Variants in RORA observed in about 807,000 individuals in gnomAD.
RORA encodes nuclear receptor ROR-alpha.
In RORA, 7 loss-of-function variants were observed where a neutral mutation model predicts 69.5. The observed-to-expected ratio is 0.10, with a 90% CI of 0.06 to 0.19. RORA has a LOEUF of 0.19. RORA is among the 10% of genes least tolerant of loss of function. The probability of loss-of-function intolerance (pLI) is 1.00; values close to 1 mark genes in which losing one functional copy is unlikely to be tolerated. For synonymous variants in RORA, 261 were observed against 240.8 expected (o/e 1.08, Z -0.78); for missense variants, 457 against 663.0 (o/e 0.69, Z 3.41).
At position 60,497,583 on chromosome 15, in the gene RORA, C is replaced by A. The variant is rs1296478815; in HGVS notation, c.1444G>T (p.Gly482Ter). 6.2e-7 allele frequency: 1 copy of A among 1,612,180 alleles called. No individual in the cohort carries two copies. The highest frequency in any genetic ancestry group is 1.3e-5 in the African/African-American group (1 of 74,834). ...GCCATTAGCTTTTCTGTATGTCGTC[C>A]ACATAAGGCTCTTAAGGTAGACACC... The part of the protein sequence containing the change: ...CKVSTLRALC[G>*]RHTEKLMAFK... Residue 482 changes from glycine to a stop codon, truncating the protein, a stop_gained, in exon 11 of 11, where the codon GGA (glycine) becomes TGA (stop). Transcript: ENST00000335670. LOFTEE classifies it high-confidence loss of function.
intron 2 of RORA, among the ~76,000 whole-genome samples, chr15:60,598,759 G>A (rs571322576): frequency 6.6e-6 from 1 of 152,282 alleles, no homozygotes; most frequent in Non-Finnish European, 1.5e-5. Context: ...ACATTGTTCA[G>A]GGATCAACTG....
intron 1 of RORA, among the ~76,000 whole-genome samples, chr15:60,795,364 T>C (rs922842680): frequency 6.6e-6 from 1 of 152,200 alleles, no homozygotes; most frequent in African/African-American, 2.4e-5. Context: ...CAACTCAAAA[T>C]GGGCTGCTTG....
intron 2 of RORA, among the ~76,000 whole-genome samples, chr15:60,666,474 C>A (rs577615623): frequency 2.9e-4 from 44 of 151,568 alleles, no homozygotes; most frequent in Non-Finnish European, 6.0e-4. Context: ...CATGAGCCAC[C>A]ACACCCGGCC....
chr15:60,506,616 G>T (rs1463024969), intron 5 of RORA, among the ~76,000 whole-genome samples: 1 of 152,194 alleles, frequency 6.6e-6, no homozygotes. Context: ...ACTTTGGGAG[G>T]CTGAGCTGGG....
intron 1 of RORA, among the ~76,000 whole-genome samples, chr15:60,796,015 T>C (rs1418224218): frequency 6.6e-6 from 1 of 152,216 alleles, no homozygotes; most frequent in African/African-American, 2.4e-5. Context: ...CCATCATCAT[T>C]ATAACATTTT....
chr15:61,130,636 G>A (rs567713210), intron 1 of RORA, among the ~76,000 whole-genome samples: 25 of 152,282 alleles, frequency 1.6e-4, no homozygotes, highest in Non-Finnish European at 3.4e-4. Context: ...ATGGAGATAA[G>A]TATATCTAGA....
chr15:61,095,076 A>G (rs775188952), intron 1 of RORA, among the ~76,000 whole-genome samples: 2 of 152,226 alleles, frequency 1.3e-5, no homozygotes, highest in Non-Finnish European at 2.9e-5. Flanking sequence ...GAATCAGAGA[A>G]TTCAGGGCAT....
intron 1 of RORA, among the ~76,000 whole-genome samples, chr15:61,167,297 C>G (rs1156502095): frequency 2.6e-5 from 4 of 152,014 alleles, no homozygotes; most frequent in African/African-American, 9.7e-5. Context: ...CAGATGGATC[C>G]TGATATTCAT....
rs761189331 is a variant in RORA, at chr15:61,131,965, G to A, written c.166+97088C>T. Among the ~76,000 whole-genome samples, 22 of 152,218 alleles carry A rather than the reference G, an allele frequency of 1.4e-4. No homozygotes were observed. The highest frequency in any genetic ancestry group is 2.6e-4 in the Admixed American group (4 of 15,286). On this transcript the variant is annotated intron_variant, in intron 1 of 10. Transcript: ENST00000335670. The surrounding 1 kb of genome is among the most constrained non-coding windows in gnomAD (Gnocchi z 4.2). ...GTAACCCTGATTACTAGTGGAGATG[G>A]AACTTATGGGTAGAATTCATGCCCC...
Position 60,592,763 on chromosome 15 carries a change from G to C in RORA, c.197-60912C>G, listed in dbSNP as rs939019729. The C allele has an allele frequency of 1.5e-5, 15 of 1,006,272 alleles. No homozygotes were observed. The African/African-American group carries it at 1.6e-4, about 11-fold the overall frequency. 62.3% of individuals were successfully genotyped at this position (1,006,272 alleles called of 1,614,324 possible). On this transcript the variant is annotated intron_variant, in intron 2 of 10. Coordinates refer to ENST00000335670, the MANE Select transcript of RORA (RefSeq NM_134261.3). ...GGCCGGGCCTGCCCTCCCGCGCCCC[G>C]GGCCCTCGCCCGGGCGCCCGCCTTC...
chr15:60,502,280 C>G (rs1473994994), intron 8 of RORA, among the ~76,000 whole-genome samples: 1 of 152,098 alleles, frequency 6.6e-6, no homozygotes, highest in East Asian at 1.9e-4. Flanking sequence ...GCACCTGGCC[C>G]CAAATTATTT....
chr15:60,779,005 T>G (rs1436623414), intron 1 of RORA, among the ~76,000 whole-genome samples: 5 of 152,158 alleles, frequency 3.3e-5, no homozygotes, highest in Non-Finnish European at 7.4e-5. Context: ...TCAAAGTGGA[T>G]TGTAAACATT....
At chr15:60,686,260 G>T (rs2070747134) in intron 1 of RORA, among the ~76,000 whole-genome samples, 1 of 152,170 alleles carries the variant, frequency 6.6e-6, no homozygotes. Context: ...GAGACCATCA[G>T]TCTATCAGAG....
rs117262407 is a variant in RORA, at chr15:60,765,614, A to T, written c.167-86928T>A. 7.2e-5 allele frequency: 11 copies of T among 152,254 alleles called. No homozygotes were observed. In the East Asian group the frequency reaches 1.9e-3, roughly 27 times the overall value. 9.4% of individuals were successfully genotyped at this position (152,254 alleles called of 1,614,324 possible). A position where few individuals can be genotyped will look rare whatever the true frequency, so the allele number is the denominator to read the frequency against. On this transcript the variant is annotated intron_variant, in intron 1 of 10. Transcript: ENST00000335670. The stretch of plus-strand genomic sequence containing the variant: ...GATAGTATTTTTTGCCTTCCATGAG[A>T]CAGCTTTGAAAACCTGAGTCACAGA...
At chr15:60,660,763 A>C (rs1018585404) in intron 2 of RORA, among the ~76,000 whole-genome samples, 1 of 148,818 alleles carries the variant, frequency 6.7e-6, no homozygotes, top group African/African-American at 2.5e-5. Flanking sequence ...GAAAAAAAAA[A>C]CTATTTAGAA....
intron 1 of RORA, among the ~76,000 whole-genome samples, chr15:61,151,502 G>A (rs143121360): frequency 9.5e-4 from 144 of 152,276 alleles, no homozygotes; most frequent in African/African-American, 3.4e-3. Context: ...AAGCTTACTA[G>A]GCAAATAAGA....
chr15:60,832,371 A>T (rs1161166870), intron 1 of RORA, among the ~76,000 whole-genome samples: 1 of 152,120 alleles, frequency 6.6e-6, no homozygotes, highest in East Asian at 1.9e-4. Flanking sequence ...CTGGGATATT[A>T]GTCACCTACC....
At chr15:60,760,030 T>A (rs567727507) in intron 1 of RORA, among the ~76,000 whole-genome samples, 41 of 152,336 alleles carry the variant, frequency 2.7e-4, no homozygotes, top group Middle Eastern at 3.4e-3. Context: ...GGGCTTTTTT[T>A]AATAGTTTTA....
At chr15:61,192,805 C>T (rs2079812698) in intron 1 of RORA, among the ~76,000 whole-genome samples, 1 of 152,184 alleles carries the variant, frequency 6.6e-6, no homozygotes, top group African/African-American at 2.4e-5. Context: ...TCAGAGAGTT[C>T]CAGTGAGACC....
Sources: gnomAD v4.1 joint callset for allele counts (sites outside exome capture counted in the v4.1 genomes callset) on GRCh38, gnomAD v4.1.1 for gene constraint, Gnocchi (gnomAD v3.1) non-coding constraint, MANE v1.5 for transcripts, NCBI Gene and HGNC (gene_info 2026-07-23, HGNC 2026-07-21) for gene names.